SH3PXD2A: variants seen among roughly 807,000 people sequenced by gnomAD.
SH3PXD2A encodes SH3 and PX domain-containing protein 2A.
In SH3PXD2A, 32 loss-of-function variants were observed where a neutral mutation model predicts 115.2. The ratio of observed to expected loss-of-function variants is 0.28; its 90% CI spans 0.21 to 0.37. The LOEUF (loss-of-function observed/expected upper bound fraction) is 0.37. SH3PXD2A is among the 10% of genes least tolerant of loss of function. SH3PXD2A has a pLI of 1.00. For synonymous variants in SH3PXD2A, 610 were observed against 629.1 expected (o/e 0.97, Z 0.45); for missense variants, 1,328 against 1,498.7 (o/e 0.89, Z 1.88).
intron 5 of SH3PXD2A, among the ~76,000 whole-genome samples, chr10:103,714,759 C>T (rs1469685939): frequency 6.6e-6 from 1 of 152,254 alleles, no homozygotes; most frequent in East Asian, 1.9e-4. Context: ...TGTGCAGCAG[C>T]CAGTGGCAGG....
chr10:103,830,931 C>T (rs1020964752), intron 1 of SH3PXD2A, among the ~76,000 whole-genome samples: 7 of 152,164 alleles, frequency 4.6e-5, no homozygotes, highest in Admixed American at 2.6e-4. Flanking sequence ...GGTGAGAATA[C>T]GCAATAAATT....
chr10:103,764,529 G>A (rs1172582013), intron 3 of SH3PXD2A, among the ~76,000 whole-genome samples: 2 of 152,214 alleles, frequency 1.3e-5, no homozygotes, highest in African/African-American at 2.4e-5. Context: ...TTGCATGGGA[G>A]CTGGAAGGTG....
chr10:103,851,655 A>C (rs1479866045), intron 1 of SH3PXD2A, among the ~76,000 whole-genome samples: 1 of 152,192 alleles, frequency 6.6e-6, no homozygotes, highest in Non-Finnish European at 1.5e-5. Context: ...CAGAATCCAA[A>C]AACCTACCCC....
intron 1 of SH3PXD2A, among the ~76,000 whole-genome samples, chr10:103,808,442 G>A (rs546482515): frequency 2.0e-5 from 3 of 152,064 alleles, no homozygotes; most frequent in Non-Finnish European, 4.4e-5. Context: ...AGTAGAGACA[G>A]GGTTTCACCA....
At chr10:103,815,048 C>A (rs536220010) in intron 1 of SH3PXD2A, among the ~76,000 whole-genome samples, 1 of 152,094 alleles carries the variant, frequency 6.6e-6, no homozygotes, top group East Asian at 1.9e-4. Flanking sequence ...AGATCACACA[C>A]AAAAATTAAC....
chr10:103,766,678 G>A (rs780607090), intron 3 of SH3PXD2A, among the ~76,000 whole-genome samples: 10 of 152,176 alleles, frequency 6.6e-5, no homozygotes, highest in Non-Finnish European at 1.3e-4. Context: ...TTCCATATAA[G>A]GTGACGTGAG....
At chr10:103,649,752 C>A (rs1405919067) in intron 8 of SH3PXD2A, among the ~76,000 whole-genome samples, 1 of 152,174 alleles carries the variant, frequency 6.6e-6, no homozygotes, top group Non-Finnish European at 1.5e-5. Flanking sequence ...GTGAGAATGC[C>A]GCTTAAAAGT....
intron 11 of SH3PXD2A, 24 bp downstream of exon 11, chr10:103,617,173 G>T: frequency 6.5e-7 from 1 of 1,535,512 alleles, no homozygotes; most frequent in Non-Finnish European, 9.0e-7. Context: ...GAGGCATCTC[G>T]TTCATAATGT....
chr10:103,659,973 G>C (rs2134048462), intron 8 of SH3PXD2A, among the ~76,000 whole-genome samples: 1 of 152,262 alleles, frequency 6.6e-6, no homozygotes, highest in South Asian at 2.1e-4. Context: ...TGTCTCTACG[G>C]AGCAGGCACT....
chr10:103,607,446 G>A (rs2036336531), intron 13 of SH3PXD2A, among the ~76,000 whole-genome samples: 1 of 152,014 alleles, frequency 6.6e-6, no homozygotes, highest in Admixed American at 6.5e-5. Flanking sequence ...TCCGGGAGGT[G>A]AGGGGCGCCT....
chr10:103,626,518 C>A (rs56984020), intron 9 of SH3PXD2A, among the ~76,000 whole-genome samples: 25,605 of 151,386 alleles, frequency 0.17, 2,498 homozygotes, highest in Non-Finnish European at 0.22. Flanking sequence ...CAGGCCAGTG[C>A]TGGCTTAGAG....
chr10:103,668,676 G>C (rs1315464052), intron 6 of SH3PXD2A, 24 bp from the exon 7 acceptor site: 1 of 1,532,354 alleles, frequency 6.5e-7, no homozygotes. Context: ...GAGAGCAAGC[G>C]GCAGCAGGAG....
intron 7 of SH3PXD2A, 60 bp downstream of exon 7, chr10:103,668,548 C>T (rs2037414204): frequency 7.0e-7 from 1 of 1,433,740 alleles, no homozygotes; most frequent in South Asian, 1.2e-5. Context: ...GGCACCGGCT[C>T]CCGCGCACAC....
chr10:103,737,311 C>T (rs1006109953), intron 3 of SH3PXD2A, among the ~76,000 whole-genome samples: 1 of 152,052 alleles, frequency 6.6e-6, no homozygotes, highest in African/African-American at 2.4e-5. Flanking sequence ...TAAAGGACAC[C>T]CAATTTAGAT....
rs557909610 is a variant in SH3PXD2A at position 103,620,259 on chromosome 10, C to G, written c.802+2211G>C. On this transcript the variant is annotated intron_variant, in intron 10 of 14. Coordinates refer to ENST00000369774, the MANE Select transcript of SH3PXD2A (RefSeq NM_001394015.1). The surrounding 1 kb of genome is among the most constrained non-coding windows in gnomAD (Gnocchi z 5.3). Reference sequence around the variant, plus strand: ...GAAGCACTGGGGCCGTGAACACTGACCACGCCACCAGGAGACGGTGGCAGC... The same window carrying G: ...GAAGCACTGGGGCCGTGAACACTGAGCACGCCACCAGGAGACGGTGGCAGC... Among the ~76,000 whole-genome samples, 27 of 152,188 alleles carry G rather than the reference C, an allele frequency of 1.8e-4. No homozygotes were observed. Among genetic ancestry groups the G allele is most frequent in the Non-Finnish European group, 3.1e-4 (21 of 68,030 alleles).
At chr10:103,791,705 T>C (rs1229509300) in intron 2 of SH3PXD2A, among the ~76,000 whole-genome samples, 1 of 151,944 alleles carries the variant, frequency 6.6e-6, no homozygotes, top group Admixed American at 6.6e-5. Flanking sequence ...GGTCCCGAGT[T>C]GCTCTGGACC....
intron 1 of SH3PXD2A, among the ~76,000 whole-genome samples, chr10:103,804,245 C>T (rs917369027): frequency 2.0e-5 from 3 of 151,316 alleles, no homozygotes; most frequent in Admixed American, 6.6e-5. Context: ...TTAGGGTGCC[C>T]GGGCTGAGGA....
chr10:103,777,961 T>G (rs2134237756), intron 2 of SH3PXD2A, among the ~76,000 whole-genome samples: 1 of 152,238 alleles, frequency 6.6e-6, no homozygotes, highest in East Asian at 1.9e-4. Flanking sequence ...CCCACATAAC[T>G]TCTCTGAGCC....
intron 12 of SH3PXD2A, among the ~76,000 whole-genome samples, chr10:103,611,852 T>C (rs762731794): frequency 2.0e-5 from 3 of 152,214 alleles, no homozygotes; most frequent in Non-Finnish European, 2.9e-5. Context: ...AGGGGATCTA[T>C]GAACACTCTA....
Sources: gnomAD v4.1 joint callset for allele counts (sites outside exome capture counted in the v4.1 genomes callset) on GRCh38, gnomAD v4.1.1 for gene constraint, Gnocchi (gnomAD v3.1) non-coding constraint, MANE v1.5 for transcripts, NCBI Gene and HGNC (gene_info 2026-07-23, HGNC 2026-07-21) for gene names.